The following ALDH2 variants were observed in gnomAD, a reference collection of about 807,000 sequenced individuals.
ALDH2 encodes the protein aldehyde dehydrogenase, mitochondrial.
Under a neutral mutation model 59.6 loss-of-function variants are expected in ALDH2, and 44 were observed. The ratio of observed to expected loss-of-function variants is 0.74; its 90% confidence interval spans 0.58 to 0.95. The LOEUF is 0.95. Ranked by LOEUF, ALDH2 falls within the 40% of genes least tolerant of loss-of-function variation. The pLI is 0.00. For synonymous variants in ALDH2, 291 were observed against 284.0 expected (o/e 1.02, Z -0.25); for missense variants, 570 against 696.3 (o/e 0.82, Z 2.04).
intron 12 of ALDH2, among the ~76,000 whole-genome samples, chr12:111,809,069 A>C (rs1048982092): frequency 6.6e-6 from 1 of 152,162 alleles, no homozygotes; most frequent in Non-Finnish European, 1.5e-5. Flanking sequence ...TGTGGAGAAC[A>C]CATCTAGGGA....
chr12:111,791,161 T>C, intron 6 of ALDH2, 145 bp from the exon 7 acceptor site: 1 of 633,556 alleles, frequency 1.6e-6, no homozygotes, highest in Non-Finnish European at 2.8e-6. Flanking sequence ...AGAATTCCCA[T>C]GTAGTGCCCC....
chr12:111,809,809 G>T lies in ALDH2; in HGVS notation c.*234G>T. On this transcript the variant is annotated 3_prime_UTR_variant, in exon 13 of 13. Transcript: ENST00000261733. ...CAACAATACTGCTAGCTTTCAGGATGATTTTTAAAAAATAGATTCAAATGT... is the reference window on the plus strand; with the variant it reads ...CAACAATACTGCTAGCTTTCAGGATTATTTTTAAAAAATAGATTCAAATGT... 1 of 562,224 alleles carries T rather than the reference G, an allele frequency of 1.8e-6. No homozygotes were observed. Among genetic ancestry groups the T allele is most frequent in the Non-Finnish European group, 3.2e-6 (1 of 317,218 alleles). The allele number at this position is 562,224 out of a possible 1,614,324, so 34.8% of individuals were successfully genotyped here.
chr12:111,775,848 C>T (rs2068231006), intron 1 of ALDH2: 2 of 316,440 alleles, frequency 6.3e-6, no homozygotes, highest in South Asian at 2.4e-5. Context: ...AGTGTGAGAA[C>T]AGTTCCTACC....
chr12:111,790,925 T>G (rs2068353290), intron 6 of ALDH2, among the ~76,000 whole-genome samples: 1 of 152,140 alleles, frequency 6.6e-6, no homozygotes, highest in Non-Finnish European at 1.5e-5. Flanking sequence ...GGCATGCACC[T>G]GTAGTCCCAA....
chr12:111,786,202 T>C (rs1037103159), intron 4 of ALDH2, among the ~76,000 whole-genome samples: 1 of 152,228 alleles, frequency 6.6e-6, no homozygotes, highest in Non-Finnish European at 1.5e-5. Context: ...TTGGGTTTGG[T>C]TTAATCAAAA....
At chr12:111,792,460 C>T (rs1382232106) in intron 8 of ALDH2, 138 bp from the exon 9 acceptor site, 1 of 1,042,076 alleles carries the variant, frequency 9.6e-7, no homozygotes, top group East Asian at 2.6e-5. Flanking sequence ...CACCCCTCAT[C>T]TCCCTGTATC....
At chr12:111,793,806 G>A (rs777258026) in intron 9 of ALDH2, among the ~76,000 whole-genome samples, 10 of 151,520 alleles carry the variant, frequency 6.6e-5, no homozygotes, top group African/African-American at 1.7e-4. Context: ...GGCTGGTCTC[G>A]AACTCCTGAG....
chr12:111,769,246 G>T (rs2136005335), intron 1 of ALDH2, among the ~76,000 whole-genome samples: 1 of 152,150 alleles, frequency 6.6e-6, no homozygotes, highest in South Asian at 2.1e-4. Context: ...AATTGCAGAG[G>T]ACTGACTTAC....
In ALDH2 at chr12:111,792,767, C is replaced by T. The variant is rs960612603; in HGVS notation, c.1068C>T (p.Thr356=). Residue 356 remains threonine, a synonymous_variant, in exon 9 of 13, where the codon ACC becomes ACT. Transcript: ENST00000261733. ...TCGGGAACCCCTTTGATAGCAAGAC[C>T]GAGCAGGGGCCGCAGGTGAGCCAGG... ...RVVGNPFDSK[T]EQGPQVDETQ... The T allele has an allele frequency of 6.4e-7, 1 of 1,551,904 alleles. No homozygotes were observed. Among genetic ancestry groups the T allele is most frequent in the Non-Finnish European group, 8.7e-7 (1 of 1,148,718 alleles).
intron 9 of ALDH2, among the ~76,000 whole-genome samples, chr12:111,793,664 C>T (rs565550809): frequency 6.6e-6 from 1 of 151,572 alleles, no homozygotes; most frequent in East Asian, 1.9e-4. Flanking sequence ...GGCACGATCT[C>T]GACTCATGCC....
rs533611625 is a variant in ALDH2, at chr12:111,799,010, A to G, written c.1248+768A>G. Among the ~76,000 whole-genome samples, 222 of 151,900 alleles carry G rather than the reference A, an allele frequency of 1.5e-3. 2 individuals carry two copies. The Middle Eastern group carries it at 0.037, about 26-fold the overall frequency. On this transcript the variant is annotated intron_variant, in intron 10 of 12. Transcript: ENST00000261733. ...GGCAACAGAGCGGGACTCTGTCTCC[A>G]GTTTTAGCCACGCCTGGCTAATTTT...
chr12:111,806,203 G>C (rs2068492669), intron 12 of ALDH2, among the ~76,000 whole-genome samples: 1 of 151,624 alleles, frequency 6.6e-6, no homozygotes, highest in Non-Finnish European at 1.5e-5. Flanking sequence ...TGTAGTCCCA[G>C]CTACTCAGGA....
chr12:111,775,340 C>G (rs969905042), intron 1 of ALDH2, among the ~76,000 whole-genome samples: 1 of 152,044 alleles, frequency 6.6e-6, no homozygotes, highest in Non-Finnish European at 1.5e-5. Context: ...CCCTTCAGAC[C>G]CCTCAGCTGG....
Position 111,810,593 on chromosome 12 carries a change from C to T in ALDH2, c.*1018C>T, listed in dbSNP as rs1324456733. 2 of 151,688 alleles carry T rather than the reference C, an allele frequency of 1.3e-5. No individual in the cohort carries two copies. The highest frequency in any genetic ancestry group is 2.9e-5 in the Non-Finnish European group (2 of 68,166). 9.4% of individuals were successfully genotyped at this position (151,688 alleles called of 1,614,324 possible). A position where few individuals can be genotyped will look rare whatever the true frequency, so the allele number is the denominator to read the frequency against. On this transcript the variant is annotated 3_prime_UTR_variant, in exon 13 of 13. Coordinates refer to ENST00000261733, the MANE Select transcript of ALDH2 (RefSeq NM_000690.4). The stretch of plus-strand genomic sequence containing the variant: ...AGAGAGGGGAGAGATACTGAATGTC[C>T]AATGTTCTCAAATTTTTTTTTTTTT...
intron 1 of ALDH2, among the ~76,000 whole-genome samples, chr12:111,776,612 A>C (rs1488246828): frequency 6.6e-6 from 1 of 152,074 alleles, no homozygotes; most frequent in African/African-American, 2.4e-5. Context: ...AATACAAAAA[A>C]AATCCCACCT....
chr12:111,778,661 G>A (rs1308692980), intron 1 of ALDH2, among the ~76,000 whole-genome samples: 2 of 150,684 alleles, frequency 1.3e-5, no homozygotes, highest in Non-Finnish European at 3.0e-5. Flanking sequence ...GTGAAACCCC[G>A]TCTCTACTAA....
intron 4 of ALDH2, among the ~76,000 whole-genome samples, chr12:111,787,963 T>A (rs1380234913): frequency 6.6e-6 from 1 of 151,820 alleles, no homozygotes; most frequent in South Asian, 2.1e-4. Flanking sequence ...GGTGTGAACC[T>A]GGGAGGTGGA....
intron 1 of ALDH2, chr12:111,775,784 G>T (rs928953244): frequency 2.2e-5 from 9 of 403,328 alleles, no homozygotes; most frequent in Admixed American, 2.9e-5. Flanking sequence ...GTCTGGCCTG[G>T]TGTTTATTCA....
intron 9 of ALDH2, among the ~76,000 whole-genome samples, chr12:111,794,014 A>ATTT (rs543884211): frequency 7.6e-4 from 78 of 102,920 alleles, no homozygotes; most frequent in Admixed American, 1.1e-3. Context: ...GCAACCACTG[A>ATTT]TTTTTTTTTT....
Sources: gnomAD v4.1 joint callset for allele counts (sites outside exome capture counted in the v4.1 genomes callset) on GRCh38, gnomAD v4.1.1 for gene constraint, MANE v1.5 for transcripts, NCBI Gene and HGNC (gene_info 2026-07-23, HGNC 2026-07-21) for gene names.